KCNAB1: variants seen among roughly 807,000 people sequenced by gnomAD.
KCNAB1 encodes the protein potassium voltage-gated channel subfamily A regulatory beta subunit 1.
A neutral mutation model predicts 64.6 loss-of-function variants in KCNAB1; 35 were observed. The ratio of observed to expected loss-of-function variants is 0.54; its 90% CI spans 0.41 to 0.72. The LOEUF (loss-of-function observed/expected upper bound fraction) is 0.72, where lower values mean the gene tolerates loss of function less well. KCNAB1 is among the 30% of genes least tolerant of loss of function. The probability of loss-of-function intolerance (pLI) is 0.00; values close to 1 mark genes in which losing one functional copy is unlikely to be tolerated. For synonymous variants in KCNAB1, 177 were observed against 183.8 expected (o/e 0.96, Z 0.30); for missense variants, 401 against 512.9 (o/e 0.78, Z 2.11).
At chr3:156,380,838 G>T (rs778201438) in intron 1 of KCNAB1, among the ~76,000 whole-genome samples, 7 of 152,090 alleles carry the variant, frequency 4.6e-5, no homozygotes, top group Non-Finnish European at 7.4e-5. Context: ...ATTTTGAGGG[G>T]TATAGTCTGC....
rs931497390 is a variant in KCNAB1 at position 156,511,966 on chromosome 3, C to T, written c.659-2398C>T. On this transcript the variant is annotated intron_variant, in intron 8 of 13. Coordinates refer to ENST00000490337, the MANE Select transcript of KCNAB1 (RefSeq NM_172160.3). ...CCTAGGCGCATACTACATCATCTGC[C>T]TCGAATGCTCTTCCACTGTTCTTCA... is the stretch of plus-strand genomic sequence containing the variant. Among the ~76,000 whole-genome samples the T allele has an allele frequency of 2.6e-5, 4 of 152,202 alleles. No individual in the cohort carries two copies. The South Asian group carries it at 8.3e-4, about 32-fold the overall frequency.
In KCNAB1 at chr3:156,432,780, A is replaced by T. The variant is rs186239705; in HGVS notation, c.319+11121A>T. On this transcript the variant is annotated intron_variant, in intron 2 of 13. Coordinates refer to ENST00000490337, the MANE Select transcript of KCNAB1 (RefSeq NM_172160.3). ...TGCTGAGCTGTTTCTTTTGGCAGCA[A>T]TGTCTGTAACTGCTCTCTGAAGAAT... 4.6e-5 allele frequency among the ~76,000 whole-genome samples: 7 copies of T among 152,266 alleles called. No individual in the cohort carries two copies. The East Asian group carries it at 1.4e-3, about 29-fold the overall frequency.
intron 2 of KCNAB1, among the ~76,000 whole-genome samples, chr3:156,430,402 A>G (rs1716124421): frequency 6.6e-6 from 1 of 152,226 alleles, no homozygotes; most frequent in Non-Finnish European, 1.5e-5. Flanking sequence ...AGTAGCCCTC[A>G]TTTGCCAACC....
chr3:156,354,668 A>G (rs1363242807), intron 1 of KCNAB1, among the ~76,000 whole-genome samples: 10 of 151,102 alleles, frequency 6.6e-5, no homozygotes, highest in Non-Finnish European at 1.3e-4. Flanking sequence ...GCTGTCTCTA[A>G]TGGAGAATTG....
intron 1 of KCNAB1, among the ~76,000 whole-genome samples, chr3:156,375,828 T>A (rs1229161217): frequency 9.5e-6 from 1 of 104,942 alleles, no homozygotes; most frequent in Non-Finnish European, 1.9e-5. Context: ...TTCTTCTTTT[T>A]TTTGTGTGTG....
At chr3:156,175,414 A>T (rs1334730974) in intron 1 of KCNAB1, among the ~76,000 whole-genome samples, 1 of 152,102 alleles carries the variant, frequency 6.6e-6, no homozygotes, top group Admixed American at 6.5e-5. Context: ...AGGTCAGGAG[A>T]TCGAGACCAT....
intron 1 of KCNAB1, among the ~76,000 whole-genome samples, chr3:156,208,118 G>C (rs372938514): frequency 2.6e-5 from 4 of 152,026 alleles, no homozygotes; most frequent in African/African-American, 9.7e-5. Flanking sequence ...GATTCCTAAG[G>C]CTTGTGCTAT....
intron 1 of KCNAB1, among the ~76,000 whole-genome samples, chr3:156,338,276 C>T (rs1560203925): frequency 1.0e-5 from 1 of 98,790 alleles, no homozygotes; most frequent in African/African-American, 3.5e-5. Context: ...GGGAGTCACT[C>T]ATCTTATACT....
At chr3:156,360,343 C>T (rs1210189413) in intron 1 of KCNAB1, among the ~76,000 whole-genome samples, 1 of 152,190 alleles carries the variant, frequency 6.6e-6, no homozygotes, top group Non-Finnish European at 1.5e-5. Context: ...CCATCCCAAC[C>T]TAGCCTGCCT....
intron 2 of KCNAB1, among the ~76,000 whole-genome samples, chr3:156,437,808 C>A (rs1435963102): frequency 6.6e-6 from 1 of 152,174 alleles, no homozygotes; most frequent in Non-Finnish European, 1.5e-5. Context: ...GTATTACAAT[C>A]TCCATTTTGG....
At chr3:156,316,391 G>A (rs559787169) in intron 1 of KCNAB1, among the ~76,000 whole-genome samples, 2 of 152,322 alleles carry the variant, frequency 1.3e-5, no homozygotes, top group African/African-American at 4.8e-5. Flanking sequence ...CCTGGGCTGA[G>A]GGAAGATCTA....
chr3:156,339,679 G>A lies in KCNAB1; in HGVS notation c.276-81937G>A, dbSNP rs184730417. Among the ~76,000 whole-genome samples the A allele has an allele frequency of 7.9e-5, 12 of 152,302 alleles. No individual in the cohort carries two copies. In the East Asian group the frequency reaches 1.5e-3, roughly 20 times the overall value. Reference sequence around the variant, plus strand: ...TTTACTCAGGCAGGCAGCAGGGCACGTGCCATTGAGTTTCCCTGTAATAGT... The same window carrying A: ...TTTACTCAGGCAGGCAGCAGGGCACATGCCATTGAGTTTCCCTGTAATAGT... On this transcript the variant is annotated intron_variant, in intron 1 of 13. Coordinates refer to ENST00000490337, the MANE Select transcript of KCNAB1 (RefSeq NM_172160.3).
intron 12 of KCNAB1, 63 bp downstream of exon 12, chr3:156,524,010 T>G: frequency 6.8e-7 from 1 of 1,480,246 alleles, no homozygotes; most frequent in Non-Finnish European, 9.3e-7. Flanking sequence ...AGTTTTCTAT[T>G]GCTGACCACA....
intron 1 of KCNAB1, among the ~76,000 whole-genome samples, chr3:156,124,827 G>A (rs1342210890): frequency 6.6e-6 from 1 of 151,882 alleles, no homozygotes; most frequent in Non-Finnish European, 1.5e-5. Context: ...ACTGCAAAAG[G>A]GTGCTAACAC....
intron 1 of KCNAB1, among the ~76,000 whole-genome samples, chr3:156,222,132 T>C (rs1309119244): frequency 2.0e-5 from 3 of 152,304 alleles, no homozygotes; most frequent in South Asian, 2.1e-4. Context: ...AGATACAGAA[T>C]GGCAGAATGG....
chr3:156,441,604 A>G (rs1717005840), intron 2 of KCNAB1, among the ~76,000 whole-genome samples: 1 of 152,172 alleles, frequency 6.6e-6, no homozygotes, highest in Non-Finnish European at 1.5e-5. Context: ...TAAAAATCAG[A>G]AATTGCCATT....
At chr3:156,171,611 A>G (rs537053767) in intron 1 of KCNAB1, among the ~76,000 whole-genome samples, 3 of 152,348 alleles carry the variant, frequency 2.0e-5, no homozygotes, top group Non-Finnish European at 2.9e-5. Flanking sequence ...CTTCATATTT[A>G]TATAACATTT....
intron 1 of KCNAB1, among the ~76,000 whole-genome samples, chr3:156,159,033 AG>A (rs1715919557): frequency 2.6e-5 from 4 of 151,986 alleles, no homozygotes; most frequent in African/African-American, 9.7e-5. Context: ...GTGGGAGAAG[AG>A]GGGAGTAGTT....
chr3:156,307,774 A>G (rs189036112), intron 1 of KCNAB1, among the ~76,000 whole-genome samples: 2 of 152,260 alleles, frequency 1.3e-5, no homozygotes, highest in Non-Finnish European at 1.5e-5. Context: ...TTGTTATTAA[A>G]ACTTTTCTCA....
Sources: gnomAD v4.1 joint callset for allele counts (sites outside exome capture counted in the v4.1 genomes callset) on GRCh38, gnomAD v4.1.1 for gene constraint, MANE v1.5 for transcripts, NCBI Gene and HGNC (gene_info 2026-07-23, HGNC 2026-07-21) for gene names.